The following TBC1D19 variants were observed in gnomAD, a reference collection of about 807,000 sequenced individuals.
TBC1D19 encodes the protein TBC1 domain family, member 19.
TBC1D19 carries 60 observed loss-of-function variants against 89.0 expected under a neutral mutation model. The ratio of observed to expected loss-of-function variants is 0.67; its 90% CI spans 0.55 to 0.84. The LOEUF (loss-of-function observed/expected upper bound fraction) is 0.84, where lower values mean the gene tolerates loss of function less well. Ranked by LOEUF, TBC1D19 falls within the 40% of genes least tolerant of loss-of-function variation. TBC1D19 has a pLI of 0.00. For synonymous variants in TBC1D19, 189 were observed against 199.7 expected (o/e 0.95, Z 0.45); for missense variants, 500 against 610.8 (o/e 0.82, Z 1.91).
upstream of TBC1D19, among the ~76,000 whole-genome samples, chr4:26,582,808 G>A (rs1277331505): frequency 6.6e-6 from 1 of 152,140 alleles, no homozygotes; most frequent in Admixed American, 6.5e-5. Flanking sequence ...TTTAGAATTT[G>A]TACTTATCAT....
At chr4:26,656,595 G>C (rs554816947) in intron 7 of TBC1D19, among the ~76,000 whole-genome samples, 27 of 148,758 alleles carry the variant, frequency 1.8e-4, no homozygotes, top group Non-Finnish European at 3.0e-4. Context: ...GTGTTGCTCT[G>C]CCATCCAGGC....
downstream of TBC1D19, among the ~76,000 whole-genome samples, chr4:26,758,294 A>AT (rs1719342637): frequency 6.6e-6 from 1 of 152,162 alleles, no homozygotes; most frequent in African/African-American, 2.4e-5. Context: ...GCAAGCAGAA[A>AT]TTTGTCCATG....
chr4:26,667,536 A>G (rs1474923114), intron 9 of TBC1D19, among the ~76,000 whole-genome samples: 2 of 152,020 alleles, frequency 1.3e-5, no homozygotes, highest in Non-Finnish European at 2.9e-5. Context: ...TTTATAGATC[A>G]TTTGCTTTCT....
the TBC1D19 span, among the ~76,000 whole-genome samples, chr4:26,763,099 A>G: frequency 6.6e-6 from 1 of 152,218 alleles, no homozygotes; most frequent in African/African-American, 2.4e-5. Flanking sequence ...CATTGTTTTA[A>G]TAACCCTTTT....
chr4:26,717,800 C>G (rs1716726106), intron 13 of TBC1D19, 133 bp from the exon 14 acceptor site: 1 of 614,300 alleles, frequency 1.6e-6, no homozygotes, highest in Admixed American at 2.8e-5. Flanking sequence ...CAAAGGTATA[C>G]CGATAAAGGG....
chr4:26,718,404 T>G (rs1716777828), intron 14 of TBC1D19, among the ~76,000 whole-genome samples: 1 of 152,106 alleles, frequency 6.6e-6, no homozygotes, highest in East Asian at 1.9e-4. Flanking sequence ...TTGATACAAT[T>G]TATATGCTTT....
intron 17 of TBC1D19, among the ~76,000 whole-genome samples, chr4:26,741,815 A>G (rs1718394407): frequency 6.6e-6 from 1 of 152,236 alleles, no homozygotes; most frequent in Non-Finnish European, 1.5e-5. Flanking sequence ...GACTTTATTC[A>G]GAGTTGTCAA....
At chr4:26,713,058 T>C (rs1716308915) in intron 13 of TBC1D19, among the ~76,000 whole-genome samples, 1 of 152,066 alleles carries the variant, frequency 6.6e-6, no homozygotes, top group South Asian at 2.1e-4. Context: ...GGAGAAGAGA[T>C]TAATATTTAT....
the TBC1D19 span, among the ~76,000 whole-genome samples, chr4:26,779,647 T>C: frequency 9.2e-5 from 14 of 152,236 alleles, no homozygotes; most frequent in African/African-American, 3.1e-4. Flanking sequence ...TCTCAGGCCA[T>C]AACACAGAGG....
At chr4:26,654,472 C>G (rs1744646063) in intron 7 of TBC1D19, among the ~76,000 whole-genome samples, 2 of 152,270 alleles carry the variant, frequency 1.3e-5, no homozygotes, top group South Asian at 2.1e-4. Context: ...AGAGTGTTTT[C>G]CAACTTGGTT....
rs1741983355 is a variant in TBC1D19, at chr4:26,620,639, C to CA, written c.246dup (p.Pro83ThrfsTer3). On this transcript the variant is annotated frameshift_variant, in exon 4 of 21. Coordinates refer to ENST00000264866, the MANE Select transcript of TBC1D19 (RefSeq NM_018317.4). LOFTEE classifies it high-confidence loss of function. ...TTTCCTTTACCTAGTCATCCTGCTG[C>CA]ACCTCCTGAACATCTTAAAGAACCT... 2 of 1,613,674 alleles carry CA rather than the reference C, an allele frequency of 1.2e-6. No individual in the cohort carries two copies. Among genetic ancestry groups the CA allele is most frequent in the Non-Finnish European group, 1.7e-6 (2 of 1,179,876 alleles).
At chr4:26,686,790 A>G (rs1666019565) in intron 12 of TBC1D19, among the ~76,000 whole-genome samples, 1 of 152,072 alleles carries the variant, frequency 6.6e-6, no homozygotes, top group Non-Finnish European at 1.5e-5. Context: ...CTGTGTCATT[A>G]TGGTTTTTTC....
chr4:26,650,348 A>G (rs1261200237), intron 7 of TBC1D19, among the ~76,000 whole-genome samples: 1 of 152,108 alleles, frequency 6.6e-6, no homozygotes, highest in Non-Finnish European at 1.5e-5. Context: ...AAGTGTTCCT[A>G]TTTCTCCTCA....
At chr4:26,834,747 A>G in the TBC1D19 span, among the ~76,000 whole-genome samples, 1 of 152,098 alleles carries the variant, frequency 6.6e-6, no homozygotes, top group Non-Finnish European at 1.5e-5. Context: ...ATGTTTCTCA[A>G]GGTTTTTCCT....
intron 13 of TBC1D19, among the ~76,000 whole-genome samples, chr4:26,697,472 A>T (rs1005826431): frequency 3.9e-5 from 6 of 152,214 alleles, no homozygotes; most frequent in African/African-American, 1.4e-4. Context: ...AAACTATTCC[A>T]ATCAATAGAA....
At chr4:26,606,696 T>C (rs1741027307) in intron 1 of TBC1D19, among the ~76,000 whole-genome samples, 1 of 152,166 alleles carries the variant, frequency 6.6e-6, no homozygotes, top group Non-Finnish European at 1.5e-5. Flanking sequence ...TTAGTCAACA[T>C]AGAAGAATTC....
In TBC1D19 at chr4:26,640,178, T is replaced by C; in HGVS notation, c.471T>C (p.Asp157=). ...SLFRPVYAPK[D]FLEVLINLRN... Reference sequence around the variant, plus strand: ...TCAGACCTGTTTATGCACCTAAGGATTTTCTTGAGGTAGGTTCTATTGGAT... The same window carrying C: ...TCAGACCTGTTTATGCACCTAAGGACTTTCTTGAGGTAGGTTCTATTGGAT... The change falls in exon 7 of 21, where the codon GAT becomes GAC. Residue 157 remains aspartate (D), a synonymous_variant. Coordinates refer to ENST00000264866, the MANE Select transcript of TBC1D19 (RefSeq NM_018317.4). 1 of 1,608,424 alleles carries C rather than the reference T, an allele frequency of 6.2e-7. No homozygotes were observed. The highest frequency in any genetic ancestry group is 8.5e-7 in the Non-Finnish European group (1 of 1,175,658).
chr4:26,841,774 T>C, the TBC1D19 span, among the ~76,000 whole-genome samples: 2 of 152,186 alleles, frequency 1.3e-5, no homozygotes, highest in Non-Finnish European at 2.9e-5. Flanking sequence ...GTCTGGCTTG[T>C]GTTCATTTCT....
chr4:26,695,701 A>G (rs564553923), intron 13 of TBC1D19, among the ~76,000 whole-genome samples: 15 of 152,368 alleles, frequency 9.8e-5, no homozygotes, highest in African/African-American at 3.6e-4. Flanking sequence ...GGGGGCCAAT[A>G]TTCAACATTC....
Sources: allele counts gnomAD v4.1 joint callset (sites outside exome capture counted in the v4.1 genomes callset), GRCh38; gene constraint gnomAD v4.1.1; transcripts MANE v1.5; gene names NCBI Gene and HGNC (gene_info 2026-07-23, HGNC 2026-07-21).